DAO: variants seen among roughly 807,000 people sequenced by gnomAD.
The protein encoded by DAO is D-amino acid oxidase.
Under a neutral mutation model 50.1 loss-of-function variants are expected in DAO, and 51 were observed. The ratio of observed to expected loss-of-function variants is 1.02; its 90% CI spans 0.81 to 1.29. The LOEUF is 1.29. Among genes scored for constraint, DAO ranks in the 50% most tolerant of loss-of-function variants. The pLI, the probability that DAO is intolerant of heterozygous loss-of-function variation, is 0.00. For synonymous variants in DAO, 160 were observed against 166.2 expected (o/e 0.96, Z 0.29); for missense variants, 436 against 439.4 (o/e 0.99, Z 0.07).
chr12:108,887,396 G>T lies in DAO; in HGVS notation c.195-54G>T. 5.1e-6 allele frequency: 7 copies of T among 1,368,072 alleles called. No individual in the cohort carries two copies. The Admixed American group carries it at 1.2e-4, about 23-fold the overall frequency. 84.7% of individuals were successfully genotyped at this position (1,368,072 alleles called of 1,614,324 possible). Reference sequence around the variant, plus strand: ...ACAGCCCCATGCCAGCTGACCTAAGGTTTTTTGCCCAGCTCAGGGCATTGG... The same window carrying T: ...ACAGCCCCATGCCAGCTGACCTAAGTTTTTTTGCCCAGCTCAGGGCATTGG... On this transcript the variant is annotated intron_variant, in intron 2 of 10. Transcript: ENST00000228476.
intron 5 of DAO, among the ~76,000 whole-genome samples, chr12:108,890,679 A>C (rs2039481410): frequency 6.6e-6 from 1 of 152,026 alleles, no homozygotes; most frequent in Non-Finnish European, 1.5e-5. Flanking sequence ...GAACAATGTT[A>C]CTCATACAGA....
intron 9 of DAO, 44 bp from the exon 10 acceptor site, chr12:108,899,333 G>GAAA: frequency 6.8e-7 from 1 of 1,475,462 alleles, no homozygotes; most frequent in Non-Finnish European, 9.3e-7. Context: ...ATGGCAGCAG[G>GAAA]AAAAAAAAAT....
intron 9 of DAO, 152 bp downstream of exon 9, chr12:108,898,948 A>C (rs915027375): frequency 1.4e-6 from 1 of 709,678 alleles, no homozygotes; most frequent in African/African-American, 1.8e-5. Context: ...GATAATGTAC[A>C]GGGAAGTTCT....
At chr12:108,898,651 A>C in intron 8 of DAO, 28 bp from the exon 9 acceptor site, 1 of 1,486,540 alleles carries the variant, frequency 6.7e-7, no homozygotes, top group South Asian at 1.1e-5. Flanking sequence ...ATTTTCCTTC[A>C]TCCTTGACCC....
chr12:108,894,413 A>C, intron 7 of DAO, 46 bp downstream of exon 7: 93 of 1,378,236 alleles, frequency 6.7e-5, no homozygotes, highest in Non-Finnish European at 9.5e-5. Flanking sequence ...TAGGAAGATC[A>C]TTCTGCATGC....
At chr12:108,896,597 G>C (rs1409497018) in intron 7 of DAO, among the ~76,000 whole-genome samples, 2 of 151,898 alleles carry the variant, frequency 1.3e-5, no homozygotes, top group Non-Finnish European at 2.9e-5. Context: ...TTGAGGGAGG[G>C]GATATAATGA....
chr12:108,897,279 C>T (rs919731901), intron 8 of DAO, among the ~76,000 whole-genome samples, 191 bp downstream of exon 8: 2 of 152,058 alleles, frequency 1.3e-5, no homozygotes, highest in East Asian at 3.9e-4. Context: ...TGTAATGGTG[C>T]GATCTTGGCT....
intron 3 of DAO, among the ~76,000 whole-genome samples, chr12:108,888,539 G>A (rs1009564872): frequency 2.0e-5 from 3 of 152,006 alleles, no homozygotes; most frequent in Non-Finnish European, 2.9e-5. Context: ...TCACTATGAC[G>A]GCCGGGCTGG....
chr12:108,884,707 A>G (rs2039415126), intron 1 of DAO, among the ~76,000 whole-genome samples: 1 of 151,846 alleles, frequency 6.6e-6, no homozygotes, highest in African/African-American at 2.4e-5. Flanking sequence ...GGTCTTTTCT[A>G]TTCCCAGCCC....
At chr12:108,898,360 A>G in intron 8 of DAO, 3 of 379,946 alleles carry the variant, frequency 7.9e-6, no homozygotes, top group South Asian at 6.4e-5. Flanking sequence ...CAACCATGTT[A>G]TCTCAATGGC....
intron 1 of DAO, among the ~76,000 whole-genome samples, chr12:108,882,900 C>T (rs117679867): frequency 5.7e-4 from 86 of 152,174 alleles, no homozygotes; most frequent in Admixed American, 9.8e-4. Flanking sequence ...GAAAGCCCAG[C>T]GCTTTGGGAG....
chr12:108,886,795 C>T (rs76441253), intron 2 of DAO, among the ~76,000 whole-genome samples: 2,798 of 150,792 alleles, frequency 0.019, 91 homozygotes, highest in African/African-American at 0.065. Flanking sequence ...CTGTAAAAAA[C>T]CAATGATTCT....
chr12:108,887,597 G>A, intron 3 of DAO, 33 bp downstream of exon 3: 1 of 1,499,170 alleles, frequency 6.7e-7, no homozygotes, highest in Non-Finnish European at 9.3e-7. Context: ...TGAGGGATGA[G>A]CACCCAGGGC....
chr12:108,880,546 GTTA>G (rs1300108133), intron 1 of DAO, among the ~76,000 whole-genome samples: 1 of 152,134 alleles, frequency 6.6e-6, no homozygotes, highest in African/African-American at 2.4e-5. Flanking sequence ...TCAAATGGTA[GTTA>G]TTATTATTTT....
chr12:108,899,340 A>AG, intron 9 of DAO, 37 bp from the exon 10 acceptor site: 1 of 1,568,638 alleles, frequency 6.4e-7, no homozygotes, highest in African/African-American at 1.4e-5. Context: ...CAGGAAAAAA[A>AG]AATCCAGAAA....
chr12:108,895,639 GGTATGTGTGT>G (rs1203585567), intron 7 of DAO, among the ~76,000 whole-genome samples: 2 of 136,018 alleles, frequency 1.5e-5, no homozygotes, highest in Non-Finnish European at 3.2e-5. Flanking sequence ...TGTGTGTGAG[GGTATGTGTGT>G]GCATGTGTGT....
intron 2 of DAO, among the ~76,000 whole-genome samples, chr12:108,885,492 C>G (rs1157053919): frequency 2.0e-5 from 3 of 152,096 alleles, no homozygotes; most frequent in African/African-American, 7.2e-5. Context: ...CACCTGTAAT[C>G]CCAGCTACTC....
chr12:108,887,715 T>C lies in DAO; in HGVS notation c.309+151T>C, dbSNP rs549480595. 5 of 691,132 alleles carry C rather than the reference T, an allele frequency of 7.2e-6. No homozygotes were observed. In the South Asian group the frequency reaches 7.9e-5, roughly 11 times the overall value. The allele number at this position is 691,132 out of a possible 1,614,324, so 42.8% of individuals were successfully genotyped here. On this transcript the variant is annotated intron_variant, in intron 3 of 10. Coordinates refer to ENST00000228476, the MANE Select transcript of DAO (RefSeq NM_001917.5). ...GGGTTCAAAACAGGTTTGGTTTAAA[T>C]TCTATTTTTGCTTTGAAAATTATTT...
intron 3 of DAO, among the ~76,000 whole-genome samples, chr12:108,888,875 T>C (rs1171697908): frequency 6.6e-6 from 1 of 152,168 alleles, no homozygotes; most frequent in Non-Finnish European, 1.5e-5. Context: ...GTTAAGAACA[T>C]GAACTCTGGA....
Sources: gnomAD v4.1 joint callset for allele counts (sites outside exome capture counted in the v4.1 genomes callset) on GRCh38, gnomAD v4.1.1 for gene constraint, MANE v1.5 for transcripts, NCBI Gene and HGNC (gene_info 2026-07-23, HGNC 2026-07-21) for gene names.